The following RNF40 variants were observed in gnomAD, a reference collection of about 807,000 sequenced individuals.
RNF40 encodes ring finger protein 40.
Under a neutral mutation model 123.3 loss-of-function variants are expected in RNF40, and 39 were observed. The ratio of observed to expected loss-of-function variants is 0.32; its 90% CI spans 0.24 to 0.41. The LOEUF (loss-of-function observed/expected upper bound fraction) is 0.41, where lower values mean the gene tolerates loss of function less well. Ranked by LOEUF, RNF40 falls within the 10% of genes least tolerant of loss-of-function variation. RNF40 has a pLI of 1.00. For missense variants in RNF40, 1,003 were observed against 1,319.9 expected, an observed-to-expected ratio of 0.76 and a Z score of 3.72; for synonymous variants, 538 against 526.0, an observed-to-expected ratio of 1.02 and a Z score of -0.31.
intron 4 of RNF40, 55 bp downstream of exon 4, chr16:30,763,614 G>A: frequency 6.3e-7 from 1 of 1,591,024 alleles, no homozygotes; most frequent in Non-Finnish European, 8.6e-7. Flanking sequence ...AAGTCCTGGG[G>A]AGGAGGGGAC....
chr16:30,762,001 C>T (rs2053838139), upstream of RNF40: 2 of 537,054 alleles, frequency 3.7e-6, no homozygotes, highest in African/African-American at 4.0e-5. Context: ...GAAGAGAACG[C>T]GCAGATACGT....
At chr16:30,770,564 G>T (rs147271149) in intron 17 of RNF40, among the ~76,000 whole-genome samples, 1 of 152,286 alleles carries the variant, frequency 6.6e-6, no homozygotes, top group African/African-American at 2.4e-5. Flanking sequence ...TGTAAAGTGG[G>T]GATGATGTTC....
chr16:30,770,534 C>A (rs890672020), intron 17 of RNF40, among the ~76,000 whole-genome samples: 3 of 152,204 alleles, frequency 2.0e-5, no homozygotes, highest in African/African-American at 7.2e-5. Flanking sequence ...GCTCTACCTT[C>A]TAACCACTCG....
intron 2 of RNF40, among the ~76,000 whole-genome samples, 194 bp downstream of exon 2, chr16:30,762,871 C>T (rs375485915): frequency 1.4e-4 from 22 of 152,184 alleles, no homozygotes; most frequent in African/African-American, 4.8e-4. Flanking sequence ...AACAGGTTTC[C>T]AGGGGGCGTG....
chr16:30,762,703 C>T, intron 2 of RNF40, 26 bp downstream of exon 2: 3 of 1,607,406 alleles, frequency 1.9e-6, no homozygotes, highest in Non-Finnish European at 2.5e-6. Flanking sequence ...CCTTAACCCT[C>T]AGAACTTCCC....
rs373974350 is a variant in RNF40 at position 30,764,137 on chromosome 16, C to T, written c.443-42C>T. 169 of 1,541,180 alleles carry T rather than the reference C, an allele frequency of 1.1e-4. 1 individual carries two copies. Among genetic ancestry groups the T allele is most frequent in the Middle Eastern group, 1.8e-4 (1 of 5,620 alleles). ...GGAACTTGGTACAGAGTGGTAGTAA[C>T]TGCTGCTCTTATCCTCATGAGGGTC... On this transcript the variant is annotated intron_variant, in intron 4 of 19. Coordinates refer to ENST00000324685, the MANE Select transcript of RNF40 (RefSeq NM_014771.4).
Position 30,768,076 on chromosome 16 carries a change from C to T in RNF40, c.1552-27C>T. On this transcript the variant is annotated intron_variant, in intron 12 of 19. Coordinates refer to ENST00000324685, the MANE Select transcript of RNF40 (RefSeq NM_014771.4). The surrounding 1 kb of genome is among the most constrained non-coding windows in gnomAD (Gnocchi z 4.1). ...GACTCCAGTGAACACCATCTGACTT[C>T]ATCCCTCTTCCTCTCTGCCTTTGCA... 1 of 1,613,558 alleles carries T rather than the reference C, an allele frequency of 6.2e-7. No homozygotes were observed. Among genetic ancestry groups the T allele is most frequent in the South Asian group, 1.1e-5 (1 of 91,068 alleles).
Position 30,767,953 on chromosome 16 carries a change from C to T in RNF40, c.1489C>T (p.Leu497=). 6.2e-7 allele frequency: 1 copy of T among 1,614,176 alleles called. No homozygotes were observed. The highest frequency in any genetic ancestry group is 1.7e-5 in the Admixed American group (1 of 60,032). The change falls in exon 12 of 20, where the codon CTA becomes TTA. Residue 497 remains leucine (L), a synonymous_variant. Coordinates refer to ENST00000324685, the MANE Select transcript of RNF40 (RefSeq NM_014771.4). Reference sequence around the variant, plus strand: ...TAGTCTTCAAAACCACAACCACCAGCTAAAAGGGGACGCCCAGCGATACAA... The same window carrying T: ...TAGTCTTCAAAACCACAACCACCAGTTAAAAGGGGACGCCCAGCGATACAA... ...ISSLQNHNHQ[L]KGDAQRYKRK...
intron 19 of RNF40, among the ~76,000 whole-genome samples, chr16:30,773,329 T>C (rs745957371): frequency 3.3e-5 from 5 of 152,116 alleles, no homozygotes; most frequent in Non-Finnish European, 7.4e-5. Flanking sequence ...ACAGGAGTGA[T>C]GGCAGGGAGG....
At chr16:30,772,856 A>G (rs994073863) in intron 19 of RNF40, among the ~76,000 whole-genome samples, 11 of 152,030 alleles carry the variant, frequency 7.2e-5, no homozygotes, top group Non-Finnish European at 7.4e-5. Context: ...GGAAATTGTT[A>G]AGGTATTGCA....
Position 30,774,834 on chromosome 16 carries a change from C to A in RNF40, c.*720C>A, listed in dbSNP as rs975125836. 1 of 388,058 alleles carries A rather than the reference C, an allele frequency of 2.6e-6. No individual in the cohort carries two copies. The highest frequency in any genetic ancestry group is 5.1e-6 in the Non-Finnish European group (1 of 194,906). 24.0% of individuals were successfully genotyped at this position (388,058 alleles called of 1,614,324 possible). ...TCCATTTCTCTGCCAAGCCCATTTA[C>A]CCCCACCTCATGCATCCCAAGGCTC... On this transcript the variant is annotated 3_prime_UTR_variant, in exon 20 of 20. Transcript: ENST00000324685.
chr16:30,763,846 A>G (rs527573631), intron 4 of RNF40, among the ~76,000 whole-genome samples: 1 of 152,188 alleles, frequency 6.6e-6, no homozygotes, highest in South Asian at 2.1e-4. Flanking sequence ...TGCACTTGCT[A>G]TAAGGGAGGA....
rs760163388 is a variant in RNF40, at chr16:30,764,338, G to T, written c.602G>T (p.Arg201Leu). 3.7e-6 allele frequency: 6 copies of T among 1,613,720 alleles called. No homozygotes were observed. The highest frequency in any genetic ancestry group is 3.3e-5 in the Admixed American group (2 of 59,992). ...AVSRVVEASD[R>L]LQRRVEELCQ... ...TCTCGTGTGGTAGAGGCCTCAGACCGCCTACAGCGCCGGGTGGAGGAACTC... is the reference window on the plus strand; with the variant it reads ...TCTCGTGTGGTAGAGGCCTCAGACCTCCTACAGCGCCGGGTGGAGGAACTC... The change falls in exon 5 of 20, where the codon CGC (arginine) becomes CTC (leucine). Residue 201 changes from arginine to leucine, a missense_variant. Physicochemically the swap from Arg to Leu is moderately radical, Grantham distance 102. Coordinates refer to ENST00000324685, the MANE Select transcript of RNF40 (RefSeq NM_014771.4).
chr16:30,766,991 C>G lies in RNF40; in HGVS notation c.1429+115C>G. 7.5e-7 allele frequency: 1 copy of G among 1,339,960 alleles called. No homozygotes were observed. The highest frequency in any genetic ancestry group is 1.0e-6 in the Non-Finnish European group (1 of 996,480). 83.0% of individuals were successfully genotyped at this position (1,339,960 alleles called of 1,614,324 possible). ...TAAGGCCTTTTTTTTCACAGAGCCT[C>G]GGCTTCCTATGCAAAACAGGGCCTG... On this transcript the variant is annotated intron_variant, in intron 11 of 19. Coordinates refer to ENST00000324685, the MANE Select transcript of RNF40 (RefSeq NM_014771.4). This position sits in a 1 kb window ranked among gnomAD's most constrained non-coding sequence, Gnocchi z 5.4.
Position 30,768,275 on chromosome 16 carries a change from C to G in RNF40, c.1724C>G (p.Thr575Ser). Residue 575 changes from threonine (T) to serine (S), a missense_variant, in exon 13 of 20, where the codon ACT (threonine) becomes AGT (serine). Transcript: ENST00000324685. This position sits in a 1 kb window ranked among gnomAD's most constrained non-coding sequence, Gnocchi z 4.1. ...APVPGTTTTT[T>S]SVKKEELVPS... ...GTGCCTGGCACCACCACTACTACCA[C>G]TTCAGTGAAGAAGGAGGAGCTGGTC... 2 of 1,614,050 alleles carry G rather than the reference C, an allele frequency of 1.2e-6. No homozygotes were observed. The highest frequency in any genetic ancestry group is 1.7e-6 in the Non-Finnish European group (2 of 1,180,036).
chr16:30,771,857 G>A lies in RNF40; in HGVS notation c.2611G>A (p.Glu871Lys), dbSNP rs756913834. The A allele has an allele frequency of 7.5e-6, 12 of 1,597,540 alleles. No homozygotes were observed. Among genetic ancestry groups the A allele is most frequent in the South Asian group, 2.2e-5 (2 of 89,172 alleles). ...GGCTGTAGAAGCCGCCCAGCTGGCC[G>A]AGGACCTGAAGGTGCAGCTGGAGCA... is the stretch of plus-strand genomic sequence containing the variant. ...RKAVEAAQLA[E>K]DLKVQLEHVQ... Residue 871 changes from glutamate to lysine, a missense_variant, in exon 18 of 20, where the codon GAG becomes AAG. Around this residue, in one of 11 missense-constraint regions of RNF40, gnomAD observed 121 missense variants for 125.3 expected, o/e 0.97. Transcript: ENST00000324685.
upstream of RNF40, chr16:30,762,285 G>T (rs1174817170): frequency 8.4e-6 from 4 of 476,442 alleles, no homozygotes; most frequent in East Asian, 1.1e-4. Context: ...GTTGGGGGGG[G>T]GGCAGTGGCG....
rs893969380 is a variant in RNF40 at position 30,774,212 on chromosome 16, G to T, written c.*98G>T. On this transcript the variant is annotated 3_prime_UTR_variant, in exon 20 of 20. Transcript: ENST00000324685. ...TCTAGTGGCCCCACCCTCCATTCCG[G>T]ACCCCATGGGCCCAGCCCCTGCCCA... The T allele has an allele frequency of 7.7e-7, 1 of 1,301,434 alleles. No homozygotes were observed. The highest frequency in any genetic ancestry group is 1.5e-5 in the African/African-American group (1 of 67,470). The allele number at this position is 1,301,434 out of a possible 1,614,324, so 80.6% of individuals were successfully genotyped here.
intron 1 of RNF40, 22 bp downstream of exon 1, chr16:30,762,382 G>A (rs1024578611): frequency 1.4e-6 from 1 of 705,758 alleles, no homozygotes; most frequent in Admixed American, 3.9e-5. Context: ...GGCGCCGGGG[G>A]GGACGGGATC....
Sources: allele counts gnomAD v4.1 joint callset (sites outside exome capture counted in the v4.1 genomes callset), GRCh38; gene constraint gnomAD v4.1.1; regional missense constraint gnomAD v4.1.1; non-coding constraint Gnocchi (gnomAD v3.1); transcripts MANE v1.5; gene names NCBI Gene and HGNC (gene_info 2026-07-23, HGNC 2026-07-21).